Variants in COMMD1 observed in about 807,000 individuals in gnomAD.
The protein encoded by COMMD1 is copper metabolism domain containing 1, also known as COMM domain-containing protein 1.
A neutral mutation model predicts 17.2 loss-of-function variants in COMMD1; 10 were observed. That is an observed-to-expected ratio of 0.58 (90% CI 0.36 to 0.99). The LOEUF (loss-of-function observed/expected upper bound fraction) is 0.99, where lower values mean the gene tolerates loss of function less well. Among genes scored for constraint, COMMD1 ranks in the 50% least tolerant of loss-of-function variants. The probability of loss-of-function intolerance (pLI) is 0.01; values close to 1 mark genes in which losing one functional copy is unlikely to be tolerated. For missense variants in COMMD1, 270 were observed against 231.8 expected (o/e 1.17, Z -1.07); for synonymous variants, 97 against 91.6 (o/e 1.06, Z -0.34).
chr2:62,019,522 C>T (rs1290643399), intron 2 of COMMD1, among the ~76,000 whole-genome samples: 1 of 152,040 alleles, frequency 6.6e-6, no homozygotes, highest in African/African-American at 2.4e-5. Context: ...GAGAGTGGAG[C>T]CCTCATGATA....
At chr2:61,955,892 A>G (rs1001709335) in intron 1 of COMMD1, among the ~76,000 whole-genome samples, 1 of 152,188 alleles carries the variant, frequency 6.6e-6, no homozygotes, top group East Asian at 1.9e-4. Flanking sequence ...TCACCGTGTT[A>G]GCCAGGCTGG....
At chr2:62,034,815 CTA>C (rs1669999009) in intron 2 of COMMD1, among the ~76,000 whole-genome samples, 1 of 152,184 alleles carries the variant, frequency 6.6e-6, no homozygotes, top group East Asian at 1.9e-4. Context: ...AAGTCTCATC[CTA>C]TGTTTCTGAA....
At chr2:61,966,245 A>G (rs1037515046) in intron 1 of COMMD1, among the ~76,000 whole-genome samples, 1 of 152,112 alleles carries the variant, frequency 6.6e-6, no homozygotes, top group African/African-American at 2.4e-5. Flanking sequence ...CTCATAGGCC[A>G]TTACAGCATT....
chr2:62,099,939 ACT>A (rs1672128594), intron 2 of COMMD1, among the ~76,000 whole-genome samples: 1 of 151,880 alleles, frequency 6.6e-6, no homozygotes, highest in African/African-American at 2.4e-5. Flanking sequence ...TGAGGAACTC[ACT>A]CTCTCATTTG....
At chr2:62,110,721 C>G (rs950439161) in intron 2 of COMMD1, among the ~76,000 whole-genome samples, 1 of 151,988 alleles carries the variant, frequency 6.6e-6, no homozygotes, top group African/African-American at 2.4e-5. Flanking sequence ...GTACTTTAAC[C>G]TTTTGTAGTA....
chr2:62,075,774 T>G (rs1671322847), intron 2 of COMMD1, among the ~76,000 whole-genome samples: 2 of 152,234 alleles, frequency 1.3e-5, no homozygotes, highest in South Asian at 4.1e-4. Context: ...GTGGCACAAC[T>G]TCTTGCTCAG....
At chr2:61,908,303 T>G (rs1044824876) in intron 1 of COMMD1, among the ~76,000 whole-genome samples, 1 of 150,080 alleles carries the variant, frequency 6.7e-6, no homozygotes, top group African/African-American at 2.4e-5. Context: ...CTCGGCTCAC[T>G]ACAACCTCCA....
At chr2:61,985,741 A>G (rs949768832) in intron 1 of COMMD1, among the ~76,000 whole-genome samples, 2 of 152,218 alleles carry the variant, frequency 1.3e-5, no homozygotes, top group African/African-American at 4.8e-5. Flanking sequence ...ATAAACAAAC[A>G]AGCAAAAAGA....
chr2:62,121,065 G>T (rs1357817166), intron 2 of COMMD1, among the ~76,000 whole-genome samples: 1 of 151,788 alleles, frequency 6.6e-6, no homozygotes, highest in African/African-American at 2.4e-5. Context: ...ATCTTAACAG[G>T]TAACCATTAA....
intron 2 of COMMD1, among the ~76,000 whole-genome samples, chr2:62,115,133 T>C (rs1016402363): frequency 3.9e-5 from 6 of 152,240 alleles, no homozygotes; most frequent in Admixed American, 6.5e-5. Context: ...ACCTTATTTG[T>C]TAAATCGGTT....
intron 2 of COMMD1, among the ~76,000 whole-genome samples, chr2:62,032,733 C>G (rs1044543643): frequency 6.6e-6 from 1 of 151,898 alleles, no homozygotes; most frequent in African/African-American, 2.4e-5. Context: ...TCCTTCTCTC[C>G]TCTCTCTCTT....
At chr2:61,914,937 A>G (rs1670012010) in intron 1 of COMMD1, among the ~76,000 whole-genome samples, 1 of 150,570 alleles carries the variant, frequency 6.6e-6, no homozygotes, top group Admixed American at 6.6e-5. Context: ...TGATCCACCC[A>G]CCTGGGCCTC....
intron 1 of COMMD1, among the ~76,000 whole-genome samples, chr2:61,889,083 A>C (rs914761951): frequency 1.3e-5 from 2 of 148,750 alleles, no homozygotes; most frequent in Non-Finnish European, 3.0e-5. Context: ...TTGTATTTTT[A>C]GTAGAGACAG....
At chr2:61,930,246 T>C (rs879744284) in intron 1 of COMMD1, among the ~76,000 whole-genome samples, 1 of 152,104 alleles carries the variant, frequency 6.6e-6, no homozygotes, top group East Asian at 1.9e-4. Flanking sequence ...CTGATTAGTC[T>C]CTAAGAGAGT....
chr2:61,951,482 C>T (rs1671052880), intron 1 of COMMD1, among the ~76,000 whole-genome samples: 1 of 151,310 alleles, frequency 6.6e-6, no homozygotes, highest in Admixed American at 6.6e-5. Context: ...AAAAATCTTT[C>T]TGCATCTTCA....
chr2:62,103,004 A>G (rs1287172824), intron 2 of COMMD1, among the ~76,000 whole-genome samples: 1 of 143,276 alleles, frequency 7.0e-6, no homozygotes, highest in Non-Finnish European at 1.5e-5. Context: ...TTTGAGACGG[A>G]GGCTCGCTCT....
intron 2 of COMMD1, among the ~76,000 whole-genome samples, chr2:62,078,282 G>A (rs917473919): frequency 6.9e-6 from 1 of 145,472 alleles, no homozygotes; most frequent in African/African-American, 2.6e-5. Flanking sequence ...AGCCGGGCAC[G>A]GTAGCTCATG....
intron 1 of COMMD1, among the ~76,000 whole-genome samples, chr2:61,962,863 A>G (rs1180083677): frequency 1.3e-5 from 2 of 151,950 alleles, no homozygotes; most frequent in Non-Finnish European, 2.9e-5. Flanking sequence ...TTTTTGCTAT[A>G]ATCAAACTAT....
chr2:61,927,554 GC>G (rs1670359854), intron 1 of COMMD1, among the ~76,000 whole-genome samples: 1 of 151,996 alleles, frequency 6.6e-6, no homozygotes, highest in South Asian at 2.1e-4. Flanking sequence ...CCGCCACCAT[GC>G]CCGGCTAATT....
Sources: gnomAD v4.1 joint callset for allele counts (sites outside exome capture counted in the v4.1 genomes callset) on GRCh38, gnomAD v4.1.1 for gene constraint, MANE v1.5 for transcripts, NCBI Gene and HGNC (gene_info 2026-07-23, HGNC 2026-07-21) for gene names.